COL23A1: variants seen among roughly 807,000 people sequenced by gnomAD.
The protein encoded by COL23A1 is collagen type XXIII alpha 1 chain.
In COL23A1, 97 loss-of-function variants were observed where a neutral mutation model predicts 99.3. That is an observed-to-expected ratio of 0.98 (90% CI 0.83 to 1.16). The LOEUF is 1.16. Among genes scored for constraint, COL23A1 ranks in the 50% most tolerant of loss-of-function variants. The pLI, the probability that COL23A1 is intolerant of heterozygous loss-of-function variation, is 0.00. For missense variants in COL23A1, 762 were observed against 757.4 expected (o/e 1.01, Z -0.07); for synonymous variants, 320 against 308.2 (o/e 1.04, Z -0.40).
Position 178,257,775 on chromosome 5 carries a change from G to A in COL23A1, c.730-208C>T, listed in dbSNP as rs549662099. ...TGTGTCCCCTGTTCCCACCAGCCCA[G>A]GGCTGGCATTTGCAGAAAGAACGGA... On this transcript the variant is annotated intron_variant, in intron 12 of 28. Coordinates refer to ENST00000390654, the MANE Select transcript of COL23A1 (RefSeq NM_173465.4). 5.9e-5 allele frequency among the ~76,000 whole-genome samples: 9 copies of A among 152,372 alleles called. No homozygotes were observed. In the South Asian group the frequency reaches 1.9e-3, roughly 32 times the overall value.
rs1757105871 is a variant in COL23A1 at position 178,477,684 on chromosome 5, G to A, written c.361+82998C>T. Among the ~76,000 whole-genome samples, 5 of 152,330 alleles carry A rather than the reference G, an allele frequency of 3.3e-5. No homozygotes were observed. The South Asian group carries it at 1.0e-3, about 32-fold the overall frequency. Reference sequence around the variant, plus strand: ...GCAAAACAGCCTGAACCCTCTGCGAGTGAAAACATGTATGTGTGCAACTGT... The same window carrying A: ...GCAAAACAGCCTGAACCCTCTGCGAATGAAAACATGTATGTGTGCAACTGT... On this transcript the variant is annotated intron_variant, in intron 2 of 28. Transcript: ENST00000390654.
At chr5:178,578,161 ATACT>A (rs1346659480) in intron 1 of COL23A1, among the ~76,000 whole-genome samples, 2 of 151,970 alleles carry the variant, frequency 1.3e-5, no homozygotes, top group Non-Finnish European at 1.5e-5. Flanking sequence ...ACACACAGGC[ATACT>A]TACGTGCATA....
intron 2 of COL23A1, among the ~76,000 whole-genome samples, chr5:178,358,312 GTGTA>G (rs1166012178): frequency 0.013 from 1,822 of 144,080 alleles, 41 homozygotes; most frequent in African/African-American, 0.048. Context: ...ATGTATGTGT[GTGTA>G]TGTGTATGTG....
intron 2 of COL23A1, among the ~76,000 whole-genome samples, chr5:178,349,304 G>T (rs1761169936): frequency 6.6e-6 from 1 of 152,214 alleles, no homozygotes; most frequent in Non-Finnish European, 1.5e-5. Context: ...ACAGAGGTCG[G>T]GGTAGGAAGC....
intron 2 of COL23A1, among the ~76,000 whole-genome samples, chr5:178,388,550 T>C (rs1312061260): frequency 6.6e-6 from 1 of 152,130 alleles, no homozygotes. Flanking sequence ...AGGCTGTGGG[T>C]TGCAGCATCA....
At chr5:178,500,064 G>A (rs1033488591) in intron 2 of COL23A1, among the ~76,000 whole-genome samples, 1 of 152,080 alleles carries the variant, frequency 6.6e-6, no homozygotes, top group South Asian at 2.1e-4. Context: ...AGAGAGGGTG[G>A]GGAGGTACAG....
chr5:178,315,784 T>C (rs2878297), intron 2 of COL23A1, among the ~76,000 whole-genome samples: 2,545 of 146,930 alleles, frequency 0.017, 82 homozygotes, highest in African/African-American at 0.062. Flanking sequence ...TTTTTTTTTT[T>C]CAAGACAAAT....
chr5:178,561,251 A>C (rs1762545172), intron 1 of COL23A1, among the ~76,000 whole-genome samples: 1 of 152,052 alleles, frequency 6.6e-6, no homozygotes, highest in South Asian at 2.1e-4. Context: ...GGGTTGAATC[A>C]CCCTGATGAA....
chr5:178,266,416 G>A (rs1326856429), intron 8 of COL23A1, among the ~76,000 whole-genome samples: 1 of 151,940 alleles, frequency 6.6e-6, no homozygotes, highest in Admixed American at 6.6e-5. Context: ...TGGTGTTCCC[G>A]ATGACTGGGA....
chr5:178,262,287 CA>C, intron 9 of COL23A1, 35 bp from the exon 10 acceptor site: 1 of 1,565,038 alleles, frequency 6.4e-7, no homozygotes. Flanking sequence ...GTGAAGGATG[CA>C]GGATGTCACA....
At chr5:178,425,734 T>C (rs1205970027) in intron 2 of COL23A1, among the ~76,000 whole-genome samples, 2 of 152,344 alleles carry the variant, frequency 1.3e-5, no homozygotes, top group East Asian at 3.9e-4. Context: ...GCTTCAAAGA[T>C]GGCTGCAGTG....
At chr5:178,393,623 C>A (rs1015399516) in intron 2 of COL23A1, among the ~76,000 whole-genome samples, 1 of 151,634 alleles carries the variant, frequency 6.6e-6, no homozygotes, top group African/African-American at 2.4e-5. Flanking sequence ...TGATAAAAAT[C>A]ATCAATCAAG....
rs1370406285 is a variant in COL23A1 at position 178,523,163 on chromosome 5, C to CACATAT, written c.361+37518_361+37519insATATGT. Among the ~76,000 whole-genome samples, 181 of 95,562 alleles carry CACATAT rather than the reference C, an allele frequency of 1.9e-3. 1 individual carries two copies. Among genetic ancestry groups the CACATAT allele is most frequent in the African/African-American group, 5.9e-3 (148 of 25,240 alleles). The allele number at this position is 95,562 out of a possible 152,430, so 62.7% of individuals were successfully genotyped here. Reference sequence around the variant, plus strand: ...TTAAAAATATATATATATATATATACATATATATATATATACACATATATA... The same window carrying CACATAT: ...TTAAAAATATATATATATATATATACACATATATATATATATATATACACATATATA... On this transcript the variant is annotated intron_variant, in intron 2 of 28. Coordinates refer to ENST00000390654, the MANE Select transcript of COL23A1 (RefSeq NM_173465.4).
intron 2 of COL23A1, among the ~76,000 whole-genome samples, chr5:178,323,902 C>T (rs1432787618): frequency 6.6e-6 from 1 of 152,148 alleles, no homozygotes; most frequent in African/African-American, 2.4e-5. Context: ...TGATATGTCC[C>T]AAGTCACACA....
chr5:178,489,367 G>A (rs1477696489), intron 2 of COL23A1, among the ~76,000 whole-genome samples: 1 of 152,232 alleles, frequency 6.6e-6, no homozygotes, highest in Admixed American at 6.5e-5. Context: ...ACTAGGGGCT[G>A]CACTGTCGGC....
At chr5:178,522,703 G>T (rs996655205) in intron 2 of COL23A1, among the ~76,000 whole-genome samples, 1 of 152,192 alleles carries the variant, frequency 6.6e-6, no homozygotes, top group African/African-American at 2.4e-5. Context: ...TCCTCCCACA[G>T]TCTGATGACA....
At chr5:178,247,637 G>T in intron 21 of COL23A1, 85 bp from the exon 22 acceptor site, 1 of 1,587,818 alleles carries the variant, frequency 6.3e-7, no homozygotes, top group Admixed American at 1.7e-5. Flanking sequence ...CCTGTCCTGG[G>T]CTCTGCCCTC....
At position 178,403,124 on chromosome 5, in the gene COL23A1, AAATAAATAAAAAAT is replaced by A. The variant is rs1437393453; in HGVS notation, c.362-96219_362-96206del. 2.7e-4 allele frequency among the ~76,000 whole-genome samples: 15 copies of A among 55,262 alleles called. 3 individuals are homozygous for A. Among genetic ancestry groups the A allele is most frequent in the Admixed American group, 1.2e-3 (5 of 4,242 alleles). 36.3% of individuals were successfully genotyped at this position (55,262 alleles called of 152,430 possible). A position where few individuals can be genotyped will look rare whatever the true frequency, so the allele number is the denominator to read the frequency against. The stretch of plus-strand genomic sequence containing the variant: ...ACTCCATCTCAAAAAAAAAAAAAAT[AAATAAATAAAAAAT>A]AAATACCATTTACCGAAATCTTCTA... On this transcript the variant is annotated intron_variant, in intron 2 of 28. Transcript: ENST00000390654.
At chr5:178,540,402 C>T (rs1761222242) in intron 2 of COL23A1, among the ~76,000 whole-genome samples, 1 of 152,076 alleles carries the variant, frequency 6.6e-6, no homozygotes, top group Non-Finnish European at 1.5e-5. Flanking sequence ...CATTTAAATT[C>T]TTACCTATCT....
Sources: gnomAD v4.1 joint callset for allele counts (sites outside exome capture counted in the v4.1 genomes callset) on GRCh38, gnomAD v4.1.1 for gene constraint, MANE v1.5 for transcripts, NCBI Gene and HGNC (gene_info 2026-07-23, HGNC 2026-07-21) for gene names.